ADRA1B: variants seen among roughly 807,000 people sequenced by gnomAD.
ADRA1B encodes the protein alpha-1B adrenergic receptor.
A neutral mutation model predicts 17.9 loss-of-function variants in ADRA1B; 17 were observed. The ratio of observed to expected loss-of-function variants is 0.95; its 90% CI spans 0.65 to 1.42. ADRA1B has a LOEUF of 1.42. Among genes scored for constraint, ADRA1B ranks in the 40% most tolerant of loss-of-function variants. The pLI, the probability that ADRA1B is intolerant of heterozygous loss-of-function variation, is 0.00. For missense variants in ADRA1B, 681 were observed against 722.1 expected (o/e 0.94, Z 0.65); for synonymous variants, 366 against 327.6 (o/e 1.12, Z -1.27).
intron 1 of ADRA1B, among the ~76,000 whole-genome samples, chr5:159,968,298 G>C (rs578083619): frequency 6.6e-6 from 1 of 152,122 alleles, no homozygotes; most frequent in African/African-American, 2.4e-5. Context: ...CACAGGACCT[G>C]CAGAGCACAC....
At chr5:159,974,432 C>T (rs1046229010), downstream of ADRA1B, among the ~76,000 whole-genome samples, 3 of 152,118 alleles carry the variant, frequency 2.0e-5, no homozygotes, top group African/African-American at 7.2e-5. Flanking sequence ...GTCAGGAGTT[C>T]AAGACCAGCC....
intron 1 of ADRA1B, among the ~76,000 whole-genome samples, chr5:159,923,150 G>A (rs1371341255): frequency 1.3e-5 from 2 of 152,282 alleles, no homozygotes; most frequent in African/African-American, 4.8e-5. Flanking sequence ...TAGAAGGGAG[G>A]CAGGTGCGTG....
At chr5:159,957,946 A>G (rs1433774041) in intron 1 of ADRA1B, among the ~76,000 whole-genome samples, 1 of 144,602 alleles carries the variant, frequency 6.9e-6, no homozygotes, top group Non-Finnish European at 1.5e-5. Flanking sequence ...AAAAAAAAAA[A>G]AAAAAAGAAA....
At chr5:159,948,237 T>C (rs1455027165) in intron 1 of ADRA1B, 1 of 985,332 alleles carries the variant, frequency 1.0e-6, no homozygotes, top group African/African-American at 1.7e-5. Context: ...CAGCACAGAT[T>C]ATTTTGTGAA....
chr5:159,974,651 AT>A (rs202151810), downstream of ADRA1B, among the ~76,000 whole-genome samples: 1,307 of 151,560 alleles, frequency 8.6e-3, 15 homozygotes, highest in African/African-American at 0.03. Context: ...AAAAAAAAAA[AT>A]CCTAGGAAGC....
At chr5:159,951,410 A>G (rs1561606008) in intron 1 of ADRA1B, 1 of 813,978 alleles carries the variant, frequency 1.2e-6, no homozygotes. Flanking sequence ...AATGGCAACA[A>G]TATCCACTTT....
chr5:159,899,246 GGAAGGAAGGAAGGAAGAA>G, intron 1 of ADRA1B, among the ~76,000 whole-genome samples: 1 of 146,224 alleles, frequency 6.8e-6, no homozygotes, highest in African/African-American at 2.5e-5. Context: ...GAGGGAGGAA[GGAAGGAAGGAAGGAAGAA>G]AGGAAGGAAG....
chr5:159,965,534 G>T (rs114162720), intron 1 of ADRA1B, among the ~76,000 whole-genome samples: 235 of 152,310 alleles, frequency 1.5e-3, no homozygotes, highest in African/African-American at 5.6e-3. Flanking sequence ...AACGATCCCT[G>T]CCACACATCC....
At chr5:159,977,284 T>C (rs1272281956), downstream of ADRA1B, among the ~76,000 whole-genome samples, 4 of 152,172 alleles carry the variant, frequency 2.6e-5, no homozygotes, top group African/African-American at 9.7e-5. Flanking sequence ...GAGTGATGAA[T>C]CTTGCCCCGT....
chr5:159,942,309 G>A (rs574634217), intron 1 of ADRA1B, among the ~76,000 whole-genome samples: 4 of 152,238 alleles, frequency 2.6e-5, no homozygotes, highest in Admixed American at 6.5e-5. Context: ...ACTAAAAACC[G>A]CTAAATTGTA....
chr5:159,909,925 C>A (rs574698383), intron 1 of ADRA1B, among the ~76,000 whole-genome samples: 1 of 152,264 alleles, frequency 6.6e-6, no homozygotes, highest in South Asian at 2.1e-4. Context: ...AGAACGTATC[C>A]ACAGCTGCAT....
At chr5:159,893,594 T>C (rs1754009619) in intron 1 of ADRA1B, among the ~76,000 whole-genome samples, 2 of 152,172 alleles carry the variant, frequency 1.3e-5, no homozygotes, top group Non-Finnish European at 2.9e-5. Flanking sequence ...AAAGGTCAAA[T>C]GTCAAGAAAG....
At chr5:159,894,765 C>T (rs975698209) in intron 1 of ADRA1B, among the ~76,000 whole-genome samples, 3 of 152,282 alleles carry the variant, frequency 2.0e-5, no homozygotes, top group South Asian at 2.1e-4. Flanking sequence ...GCCCCTCACA[C>T]GCATTCTCTC....
chr5:159,962,498 G>A (rs1755683586), intron 1 of ADRA1B, among the ~76,000 whole-genome samples: 1 of 151,974 alleles, frequency 6.6e-6, no homozygotes, highest in African/African-American at 2.4e-5. Context: ...TCTCACCTGT[G>A]AGGGACCTCG....
intron 1 of ADRA1B, among the ~76,000 whole-genome samples, chr5:159,889,142 G>A (rs902393388): frequency 6.6e-6 from 1 of 152,174 alleles, no homozygotes; most frequent in Non-Finnish European, 1.5e-5. Context: ...CACACTGACT[G>A]AACCTACCAA....
intron 1 of ADRA1B, chr5:159,951,300 A>C: frequency 7.5e-7 from 1 of 1,334,332 alleles, no homozygotes; most frequent in Non-Finnish European, 1.1e-6. Flanking sequence ...ATTGATGACA[A>C]GCTTCCCTTT....
In ADRA1B at chr5:159,949,429, G is replaced by A. The variant is rs191818719; in HGVS notation, c.950-22450G>A. On this transcript the variant is annotated intron_variant, in intron 1 of 1. Transcript: ENST00000306675. ...CTGAGGGAAGCTATGAAACAGCTACGCAGAAAATGTACATATGCACATCAA... is the reference window on the plus strand; with the variant it reads ...CTGAGGGAAGCTATGAAACAGCTACACAGAAAATGTACATATGCACATCAA... 2.0e-3 allele frequency among the ~76,000 whole-genome samples: 309 copies of A among 152,288 alleles called. 3 individuals are homozygous for A. The highest frequency in any genetic ancestry group is 0.01 in the Middle Eastern group (3 of 294).
At chr5:159,947,123 C>T (rs1329581285) in intron 1 of ADRA1B, among the ~76,000 whole-genome samples, 2 of 152,076 alleles carry the variant, frequency 1.3e-5, no homozygotes, top group East Asian at 3.9e-4. Context: ...GGCAGATCAC[C>T]TGAGGTCAGG....
chr5:159,914,472 T>G (rs1046826568), upstream of ADRA1B, among the ~76,000 whole-genome samples: 2 of 152,228 alleles, frequency 1.3e-5, no homozygotes, highest in African/African-American at 4.8e-5. Context: ...TAAATCACTA[T>G]AAACTTGTGA....
Sources: allele counts gnomAD v4.1 joint callset (sites outside exome capture counted in the v4.1 genomes callset), GRCh38; gene constraint gnomAD v4.1.1; transcripts MANE v1.5; gene names NCBI Gene and HGNC (gene_info 2026-07-23, HGNC 2026-07-21).